The following EEF1AKMT2 variants were observed in gnomAD, a reference collection of about 807,000 sequenced individuals.
EEF1AKMT2 encodes EEF1A lysine methyltransferase 2.
Under a neutral mutation model 35.8 loss-of-function variants are expected in EEF1AKMT2, and 32 were observed. The ratio of observed to expected loss-of-function variants is 0.89; its 90% CI spans 0.67 to 1.20. EEF1AKMT2 has a LOEUF of 1.20. Among genes scored for constraint, EEF1AKMT2 ranks in the 50% most tolerant of loss-of-function variants. The pLI, the probability that EEF1AKMT2 is intolerant of heterozygous loss-of-function variation, is 0.00. For synonymous variants in EEF1AKMT2, 121 were observed against 133.7 expected, an observed-to-expected ratio of 0.91 and a Z score of 0.65; for missense variants, 330 against 347.5, an observed-to-expected ratio of 0.95 and a Z score of 0.40.
intron 1 of EEF1AKMT2, among the ~76,000 whole-genome samples, chr10:124,791,276 C>T (rs1950632005): frequency 2.6e-5 from 4 of 152,230 alleles, no homozygotes; most frequent in Middle Eastern, 3.4e-3. Context: ...GCTCCCGCCT[C>T]GGGTCATCCG....
intron 3 of EEF1AKMT2, among the ~76,000 whole-genome samples, chr10:124,776,274 C>A (rs775734499): frequency 1.3e-5 from 2 of 152,084 alleles, no homozygotes; most frequent in Non-Finnish European, 2.9e-5. Flanking sequence ...TCACTCAGGG[C>A]CTCAAACTAT....
At chr10:124,791,503 T>C (rs1209742824) in intron 1 of EEF1AKMT2, among the ~76,000 whole-genome samples, 2 of 152,166 alleles carry the variant, frequency 1.3e-5, no homozygotes, top group East Asian at 3.9e-4. Context: ...CACAAGCCCC[T>C]TGGGCTCCAA....
chr10:124,782,733 A>T (rs1950553216), intron 3 of EEF1AKMT2, among the ~76,000 whole-genome samples: 1 of 151,850 alleles, frequency 6.6e-6, no homozygotes, highest in Non-Finnish European at 1.5e-5. Context: ...GAATCACTTG[A>T]ACCCAGGAGG....
chr10:124,786,956 C>G (rs1950589910), intron 3 of EEF1AKMT2, among the ~76,000 whole-genome samples: 1 of 151,694 alleles, frequency 6.6e-6, no homozygotes, highest in African/African-American at 2.4e-5. Flanking sequence ...TATAATTGTA[C>G]AAAAGAATTT....
intron 3 of EEF1AKMT2, among the ~76,000 whole-genome samples, chr10:124,781,014 T>C: frequency 1.3e-5 from 2 of 151,896 alleles, no homozygotes; most frequent in East Asian, 2.0e-4. Context: ...GGCGCGATCT[T>C]GGCTCACTGC....
chr10:124,785,830 AG>A (rs1446626067), intron 3 of EEF1AKMT2, among the ~76,000 whole-genome samples: 2 of 132,082 alleles, frequency 1.5e-5, no homozygotes, highest in African/African-American at 5.5e-5. Context: ...CTGCAGGTGG[AG>A]GTTGCAGTGA....
rs535887772 is a variant in EEF1AKMT2 at position 124,781,484 on chromosome 10, C to T, written c.292-6702G>A. On this transcript the variant is annotated intron_variant, in intron 3 of 6. Coordinates refer to ENST00000368836, the MANE Select transcript of EEF1AKMT2 (RefSeq NM_212554.4). ...ATCCCAGCTACTCGGGAGGCTGAGG[C>T]AGAAGAATCAATCGCTTGAACCCAG... 9.9e-5 allele frequency among the ~76,000 whole-genome samples: 15 copies of T among 151,270 alleles called. No individual in the cohort carries two copies. The East Asian group carries it at 3.0e-3, about 30-fold the overall frequency.
At chr10:124,771,644 C>G (rs929071639) in intron 4 of EEF1AKMT2, among the ~76,000 whole-genome samples, 1 of 151,860 alleles carries the variant, frequency 6.6e-6, no homozygotes, top group Admixed American at 6.6e-5. Flanking sequence ...CCAAGGCAGG[C>G]GGATCACCAG....
In EEF1AKMT2 at chr10:124,762,316, G is replaced by T; in HGVS notation, c.859C>A (p.Pro287Thr). The T allele has an allele frequency of 9.1e-7, 1 of 1,104,754 alleles. No homozygotes were observed. Among genetic ancestry groups the T allele is most frequent in the Non-Finnish European group, 1.1e-6 (1 of 876,922 alleles). The allele number at this position is 1,104,754 out of a possible 1,614,324, so 68.4% of individuals were successfully genotyped here. The change falls in exon 6 of 7, where the codon CCC becomes ACC. Residue 287 changes from proline to threonine, a missense_variant. Pro to Thr is a conservative substitution (Grantham distance 38). Transcript: ENST00000368836. ...GTCACTTACTAAAATGCCAACGAGG[G>T]CCTGGCATGGTATAATCCCAGCACT... ...PKVLGLYHARPSLAF is the reference protein window; with the variant it reads ...PKVLGLYHARTSLAF
At chr10:124,771,200 C>A (rs188088937) in intron 4 of EEF1AKMT2, among the ~76,000 whole-genome samples, 3 of 151,918 alleles carry the variant, frequency 2.0e-5, no homozygotes, top group African/African-American at 7.2e-5. Context: ...CCCAGGTTCA[C>A]GCCATTCTCC....
At chr10:124,776,698 G>A (rs905093867) in intron 3 of EEF1AKMT2, among the ~76,000 whole-genome samples, 1 of 152,066 alleles carries the variant, frequency 6.6e-6, no homozygotes, top group Non-Finnish European at 1.5e-5. Context: ...GGGAGGCTGA[G>A]GCAGGAGAAT....
rs539689968 is a variant in EEF1AKMT2 at position 124,791,649 on chromosome 10, C to T, written c.110+75G>A. ...CTCCCTGTCCCTGAGCCCCGGGTCT[C>T]CACCCCGCCGTCCCCTTCTCGGGGC... On this transcript the variant is annotated intron_variant, in intron 1 of 6. Transcript: ENST00000368836. 3.3e-5 allele frequency: 51 copies of T among 1,533,318 alleles called. 1 individual carries two copies. The South Asian group carries it at 5.0e-4, about 15-fold the overall frequency. 95.0% of individuals were successfully genotyped at this position (1,533,318 alleles called of 1,614,324 possible). A position where few individuals can be genotyped will look rare whatever the true frequency, so the allele number is the denominator to read the frequency against.
intron 4 of EEF1AKMT2, among the ~76,000 whole-genome samples, chr10:124,767,511 CAAAA>C (rs1193595891): frequency 3.3e-5 from 2 of 60,132 alleles, no homozygotes; most frequent in Admixed American, 2.0e-4. Flanking sequence ...GACACTGCCT[CAAAA>C]AAAAAAAAAA....
Position 124,765,517 on chromosome 10 carries a change from T to C in EEF1AKMT2, c.491A>G (p.Asp164Gly), listed in dbSNP as rs201578844. The change falls in exon 5 of 7, where the codon GAC (aspartate) becomes GGC (glycine). Residue 164 changes from aspartate to glycine, a missense_variant. Coordinates refer to ENST00000368836, the MANE Select transcript of EEF1AKMT2 (RefSeq NM_212554.4). ...TTGCTTCCTCTTCTCAATTGCATTG[T>C]CAGGATTAAGGCTTATGGCATCAAA... ...GTFDAISLNP[D>G]NAIEKRKQYV... is the part of the protein sequence containing the mutation. The C allele has an allele frequency of 7.5e-5, 121 of 1,613,838 alleles. No homozygotes were observed. The highest frequency in any genetic ancestry group is 8.8e-5 in the Non-Finnish European group (104 of 1,179,922).
intron 3 of EEF1AKMT2, among the ~76,000 whole-genome samples, chr10:124,787,735 G>GA (rs576161212): frequency 1.3e-3 from 173 of 136,138 alleles, no homozygotes; most frequent in East Asian, 2.7e-3. Flanking sequence ...GACAAAGCCT[G>GA]AAAAAAAAAA....
intron 4 of EEF1AKMT2, among the ~76,000 whole-genome samples, chr10:124,771,766 G>A (rs1564903601): frequency 6.6e-6 from 1 of 152,052 alleles, no homozygotes. Context: ...CTACTTGGGA[G>A]GCTGAGGCAG....
At chr10:124,765,801 A>G (rs1003116635) in intron 4 of EEF1AKMT2, 193 bp from the exon 5 acceptor site, 41 of 525,976 alleles carry the variant, frequency 7.8e-5, no homozygotes, top group African/African-American at 7.3e-4. Context: ...GCCAAGATTA[A>G]TAAGAGAGAC....
chr10:124,789,509 A>G (rs1950616001), intron 2 of EEF1AKMT2, among the ~76,000 whole-genome samples: 1 of 152,124 alleles, frequency 6.6e-6, no homozygotes, highest in South Asian at 2.1e-4. Flanking sequence ...CATTCTCCCA[A>G]CACTTTGGAA....
At chr10:124,782,305 G>A (rs915367349) in intron 3 of EEF1AKMT2, among the ~76,000 whole-genome samples, 13 of 151,858 alleles carry the variant, frequency 8.6e-5, no homozygotes, top group African/African-American at 1.7e-4. Flanking sequence ...AAGACCGGCC[G>A]GGTGCGGTGG....
Sources: allele counts gnomAD v4.1 joint callset (sites outside exome capture counted in the v4.1 genomes callset), GRCh38; gene constraint gnomAD v4.1.1; transcripts MANE v1.5; gene names NCBI Gene and HGNC (gene_info 2026-07-23, HGNC 2026-07-21).